GOLM2: variants seen among roughly 807,000 people sequenced by gnomAD.
GOLM2 encodes protein GOLM2.
GOLM2 carries 26 observed loss-of-function variants against 55.9 expected under a neutral mutation model. The ratio of observed to expected loss-of-function variants is 0.47; its 90% confidence interval spans 0.34 to 0.65. The LOEUF (loss-of-function observed/expected upper bound fraction) is 0.65, where lower values mean the gene tolerates loss of function less well. Ranked by LOEUF, GOLM2 falls within the 30% of genes least tolerant of loss-of-function variation. The probability of loss-of-function intolerance (pLI) is 0.01; values close to 1 mark genes in which losing one functional copy is unlikely to be tolerated. For missense variants in GOLM2, 486 were observed against 531.8 expected, an observed-to-expected ratio of 0.91 and a Z score of 0.85; for synonymous variants, 165 against 194.6, an observed-to-expected ratio of 0.85 and a Z score of 1.27.
intron 8 of GOLM2, among the ~76,000 whole-genome samples, chr15:44,389,449 A>G (rs183581512): frequency 4.6e-4 from 70 of 152,200 alleles, no homozygotes; most frequent in African/African-American, 1.6e-3. Context: ...GATTGCTTCA[A>G]TCTGGGAAGC....
chr15:44,289,316 A>T lies in GOLM2; in HGVS notation c.287A>T (p.Gln96Leu). The T allele has an allele frequency of 6.2e-7, 1 of 1,613,544 alleles. No individual in the cohort carries two copies. Among genetic ancestry groups the T allele is most frequent in the Non-Finnish European group, 8.5e-7 (1 of 1,179,826 alleles). ...ADYGRLSSRLQAREGLGKRCE... is the reference protein window; with the variant it reads ...ADYGRLSSRLLAREGLGKRCE... ...TACGGCCGCCTCAGCAGCCGGCTGC[A>T]GGCCAGAGAGGGCCTCGGGAAGAGA... Residue 96 changes from glutamine (Q) to leucine (L), a missense_variant, in exon 1 of 10, where the codon CAG (glutamine) becomes CTG (leucine). Gln to Leu is a moderately radical substitution (Grantham distance 113). Coordinates refer to ENST00000299957, the MANE Select transcript of GOLM2 (RefSeq NM_138423.4). This position sits in a 1 kb window ranked among gnomAD's most constrained non-coding sequence, Gnocchi z 4.8.
intron 1 of GOLM2, among the ~76,000 whole-genome samples, chr15:44,293,647 C>T (rs1427727228): frequency 1.3e-5 from 2 of 152,130 alleles, no homozygotes; most frequent in African/African-American, 4.8e-5. Context: ...ACAAAGACCA[C>T]AGAAGTAAAG....
intron 9 of GOLM2, among the ~76,000 whole-genome samples, chr15:44,408,998 A>G (rs1196460360): frequency 1.3e-5 from 2 of 151,556 alleles, no homozygotes; most frequent in Non-Finnish European, 2.9e-5. Flanking sequence ...CCCAAAAAGG[A>G]CGGGCACGGT....
chr15:44,341,555 T>G (rs1168525658), intron 6 of GOLM2, among the ~76,000 whole-genome samples: 1 of 152,146 alleles, frequency 6.6e-6, no homozygotes, highest in Admixed American at 6.6e-5. Context: ...TGACCATTAT[T>G]AGGTATATTG....
rs2079026147 is a variant in GOLM2 at position 44,332,079 on chromosome 15, G to A, written c.576+1G>A. ...AGACCAGTTTTTAGAGGAACAAAAG[G>A]TAAATTTTAAAAATATACTTAAATC... On this transcript the variant is annotated splice_donor_variant, in intron 4 of 9. Transcript: ENST00000299957. LOFTEE classifies it high-confidence loss of function. 1 of 1,479,940 alleles carries A rather than the reference G, an allele frequency of 6.8e-7. No homozygotes were observed. Among genetic ancestry groups the A allele is most frequent in the Non-Finnish European group, 9.3e-7 (1 of 1,075,540 alleles). The allele number at this position is 1,479,940 out of a possible 1,614,324, so 91.7% of individuals were successfully genotyped here.
intron 1 of GOLM2, among the ~76,000 whole-genome samples, chr15:44,296,002 G>A (rs533705901): frequency 6.6e-6 from 1 of 151,454 alleles, no homozygotes; most frequent in Non-Finnish European, 1.5e-5. Flanking sequence ...TCTTTCCTCA[G>A]TACAGGGCAT....
intron 9 of GOLM2, among the ~76,000 whole-genome samples, chr15:44,410,265 C>T (rs1375513989): frequency 6.6e-6 from 1 of 152,008 alleles, no homozygotes; most frequent in African/African-American, 2.4e-5. Flanking sequence ...GGTGAAACCC[C>T]GTCTCTACTA....
chr15:44,351,371 T>C (rs962431530), intron 6 of GOLM2, among the ~76,000 whole-genome samples: 7 of 151,862 alleles, frequency 4.6e-5, no homozygotes, highest in African/African-American at 1.5e-4. Flanking sequence ...GGTCAGGAGA[T>C]AGAGACCATC....
intron 6 of GOLM2, among the ~76,000 whole-genome samples, chr15:44,341,066 C>T (rs949812069): frequency 2.0e-5 from 3 of 150,376 alleles, no homozygotes; most frequent in African/African-American, 4.9e-5. Context: ...TATTTATTTC[C>T]ACATACTTTT....
chr15:44,346,277 G>A (rs2079123999), intron 6 of GOLM2: 2 of 151,566 alleles, frequency 1.3e-5, no homozygotes, highest in African/African-American at 2.4e-5. Context: ...CAGAGGCTTC[G>A]AATGGTGGTT....
intron 6 of GOLM2, 52 bp from the exon 7 acceptor site, chr15:44,379,638 T>TTAA: frequency 5.6e-6 from 4 of 710,014 alleles, no homozygotes; most frequent in East Asian, 2.8e-5. Flanking sequence ...TTTTTTTTTT[T>TTAA]AGAAATCATA....
intron 6 of GOLM2, among the ~76,000 whole-genome samples, chr15:44,359,238 G>A (rs1350761903): frequency 6.6e-6 from 1 of 151,952 alleles, no homozygotes; most frequent in African/African-American, 2.4e-5. Flanking sequence ...GAAAAATTTT[G>A]TAAAAGACAT....
rs530306718 is a variant in GOLM2 at position 44,288,896 on chromosome 15, A to C, written c.-134A>C. On this transcript the variant is annotated 5_prime_UTR_variant, in exon 1 of 10. Transcript: ENST00000299957. ...GGCCCCGCCCCCTTCTCCGGCTCGC[A>C]GCCGACCGGTAAGCCCGCCTCCTCC... 13 of 772,256 alleles carry C rather than the reference A, an allele frequency of 1.7e-5. No homozygotes were observed. Among genetic ancestry groups the C allele is most frequent in the Non-Finnish European group, 2.6e-5 (13 of 496,162 alleles). The allele number at this position is 772,256 out of a possible 1,614,324, so 47.8% of individuals were successfully genotyped here. A position where few individuals can be genotyped will look rare whatever the true frequency, so the allele number is the denominator to read the frequency against.
In GOLM2 at chr15:44,288,730, A is replaced by G. The variant is rs1019760356; in HGVS notation, c.-300A>G. The G allele has an allele frequency of 1.7e-5, 7 of 418,930 alleles. No homozygotes were observed. Among genetic ancestry groups the G allele is most frequent in the Non-Finnish European group, 2.6e-5 (6 of 234,064 alleles). The allele number at this position is 418,930 out of a possible 1,614,324, so 26.0% of individuals were successfully genotyped here. A position where few individuals can be genotyped will look rare whatever the true frequency, so the allele number is the denominator to read the frequency against. Reference sequence around the variant, plus strand: ...TTCCGGTTTTTTTCCCCGCCTCCCAACCGTGAGGTGTTGGGTTTGGGGGAC... The same window carrying G: ...TTCCGGTTTTTTTCCCCGCCTCCCAGCCGTGAGGTGTTGGGTTTGGGGGAC... On this transcript the variant is annotated 5_prime_UTR_variant, in exon 1 of 10. Transcript: ENST00000299957.
chr15:44,334,224 A>G (rs965543720), intron 4 of GOLM2, among the ~76,000 whole-genome samples: 1 of 152,194 alleles, frequency 6.6e-6, no homozygotes, highest in African/African-American at 2.4e-5. Context: ...CTTTCTGGGT[A>G]GCACATCAGC....
intron 1 of GOLM2, among the ~76,000 whole-genome samples, chr15:44,321,780 A>G (rs1333206519): frequency 4.6e-5 from 7 of 152,176 alleles, no homozygotes; most frequent in Non-Finnish European, 8.8e-5. Flanking sequence ...TAGGTTGGCC[A>G]TGGTGGTTCA....
rs1475457382 is a variant in GOLM2, at chr15:44,413,536, A to T, written c.*130A>T. On this transcript the variant is annotated 3_prime_UTR_variant, in exon 10 of 10. Coordinates refer to ENST00000299957, the MANE Select transcript of GOLM2 (RefSeq NM_138423.4). ...GATACATTGAGATAGAATTAAGGAA[A>T]AACTTTAATGAAGGAATGTACCCAT... 1 of 656,878 alleles carries T rather than the reference A, an allele frequency of 1.5e-6. No individual in the cohort carries two copies. The highest frequency in any genetic ancestry group is 2.6e-6 in the Non-Finnish European group (1 of 380,372). The allele number at this position is 656,878 out of a possible 1,614,324, so 40.7% of individuals were successfully genotyped here.
intron 1 of GOLM2, among the ~76,000 whole-genome samples, chr15:44,312,979 C>T (rs567002178): frequency 1.8e-4 from 27 of 151,464 alleles, no homozygotes; most frequent in African/African-American, 6.3e-4. Context: ...CTTGGGAGGC[C>T]GAGACAGGAG....
At chr15:44,383,472 C>T (rs1401064697) in intron 8 of GOLM2, among the ~76,000 whole-genome samples, 3 of 151,778 alleles carry the variant, frequency 2.0e-5, no homozygotes, top group African/African-American at 7.3e-5. Flanking sequence ...TGATTTTTAT[C>T]GTTTTTATAA....
Sources: gnomAD v4.1 joint callset for allele counts (sites outside exome capture counted in the v4.1 genomes callset) on GRCh38, gnomAD v4.1.1 for gene constraint, Gnocchi (gnomAD v3.1) non-coding constraint, MANE v1.5 for transcripts, NCBI Gene and HGNC (gene_info 2026-07-23, HGNC 2026-07-21) for gene names.